The following B4GALNT3 variants were observed in gnomAD, a reference collection of about 807,000 sequenced individuals.
The protein encoded by B4GALNT3 is beta-1,4-N-acetyl-galactosaminyltransferase 3.
B4GALNT3 carries 86 observed loss-of-function variants against 120.2 expected under a neutral mutation model. The ratio of observed to expected loss-of-function variants is 0.72; its 90% confidence interval spans 0.60 to 0.86. The LOEUF (loss-of-function observed/expected upper bound fraction) is 0.86. B4GALNT3 is among the 40% of genes least tolerant of loss of function. B4GALNT3 has a pLI of 0.00. For missense variants in B4GALNT3, 1,167 were observed against 1,298.9 expected, an observed-to-expected ratio of 0.90 and a Z score of 1.56; for synonymous variants, 518 against 510.4, an observed-to-expected ratio of 1.01 and a Z score of -0.20.
intron 1 of B4GALNT3, among the ~76,000 whole-genome samples, chr12:483,048 C>T (rs1946256899): frequency 6.6e-6 from 1 of 152,090 alleles, no homozygotes; most frequent in Non-Finnish European, 1.5e-5. Context: ...GCTGGCACTA[C>T]AGGTGGATGT....
chr12:478,296 AAT>A (rs1437225569), intron 1 of B4GALNT3, among the ~76,000 whole-genome samples: 155 of 151,554 alleles, frequency 1.0e-3, no homozygotes, highest in African/African-American at 3.6e-3. Flanking sequence ...AAAAAAAAAA[AAT>A]ATTCAAGCCT....
At chr12:494,841 G>A (rs1187239379) in intron 1 of B4GALNT3, among the ~76,000 whole-genome samples, 1 of 152,104 alleles carries the variant, frequency 6.6e-6, no homozygotes, top group Non-Finnish European at 1.5e-5. Flanking sequence ...TTATTCTTAT[G>A]TATTCTTTGA....
intron 11 of B4GALNT3, among the ~76,000 whole-genome samples, chr12:551,475 G>A (rs947611063): frequency 1.7e-4 from 26 of 152,294 alleles, no homozygotes; most frequent in Admixed American, 3.3e-4. Flanking sequence ...GAACCCATGC[G>A]GAAGCCAGAC....
chr12:511,879 C>G (rs1946573652), intron 1 of B4GALNT3, among the ~76,000 whole-genome samples: 1 of 39,488 alleles, frequency 2.5e-5, no homozygotes, highest in Non-Finnish European at 4.5e-5. Flanking sequence ...TTCCACCTTC[C>G]ACCTTCTTCC....
Position 460,526 on chromosome 12 carries a change from C to A in B4GALNT3, c.150C>A (p.Gly50=). 1 of 1,535,416 alleles carries A rather than the reference C, an allele frequency of 6.5e-7. No homozygotes were observed. Among genetic ancestry groups the A allele is most frequent in the Non-Finnish European group, 8.8e-7 (1 of 1,137,396 alleles). The change falls in exon 1 of 20, where the codon GGC becomes GGA. Residue 50 remains glycine, a synonymous_variant. Coordinates refer to ENST00000266383, the MANE Select transcript of B4GALNT3 (RefSeq NM_173593.4). The surrounding 1 kb of genome is among the most constrained non-coding windows in gnomAD (Gnocchi z 8.0). ...YLELVASAQV[G]GNPLNRRYGS... ...AACTGGTGGCGTCGGCCCAGGTCGG[C>A]GGGAACCCCCTGAACCGGAGTAAGT...
At chr12:522,940 T>TAAA (rs1565601881) in intron 1 of B4GALNT3, among the ~76,000 whole-genome samples, 2 of 77,088 alleles carry the variant, frequency 2.6e-5, no homozygotes, top group Non-Finnish European at 5.6e-5. Flanking sequence ...GAGACTCTGT[T>TAAA]TAAAAAAAAA....
chr12:473,458 G>A (rs897820011), intron 1 of B4GALNT3, among the ~76,000 whole-genome samples: 45 of 152,176 alleles, frequency 3.0e-4, no homozygotes, highest in African/African-American at 1.1e-3. Context: ...AAGTGACAGA[G>A]TTTGGCAGTA....
At chr12:464,192 C>G (rs114516767) in intron 1 of B4GALNT3, among the ~76,000 whole-genome samples, 2,018 of 152,310 alleles carry the variant, frequency 0.013, 47 homozygotes, top group African/African-American at 0.046. Flanking sequence ...AGTGGTACGG[C>G]TATCCTGGTG....
intron 6 of B4GALNT3, 27 bp downstream of exon 6, chr12:545,496 C>T (rs1946982170): frequency 1.3e-6 from 2 of 1,561,988 alleles, no homozygotes; most frequent in African/African-American, 1.3e-5. Context: ...CCCGGTCCCT[C>T]CCATCTGCTC....
chr12:476,160 T>G (rs1324045985), intron 1 of B4GALNT3, among the ~76,000 whole-genome samples: 2 of 152,230 alleles, frequency 1.3e-5, no homozygotes, highest in African/African-American at 4.8e-5. Context: ...AGCCTCAATA[T>G]GTCCCAGTTT....
chr12:513,857 C>T (rs894575964), intron 1 of B4GALNT3, among the ~76,000 whole-genome samples: 4 of 152,184 alleles, frequency 2.6e-5, no homozygotes, highest in Admixed American at 6.5e-5. Flanking sequence ...CCAAAGCATG[C>T]GGATTACAGG....
intron 1 of B4GALNT3, among the ~76,000 whole-genome samples, chr12:521,180 A>G (rs77059818): frequency 0.03 from 4,635 of 152,212 alleles, 258 homozygotes; most frequent in African/African-American, 0.11. Context: ...CGTTAGAAGG[A>G]TGTGCGGTCC....
intron 1 of B4GALNT3, among the ~76,000 whole-genome samples, chr12:530,347 T>C (rs908137097): frequency 2.6e-5 from 4 of 152,260 alleles, no homozygotes; most frequent in African/African-American, 9.6e-5. Context: ...TTTTGTCTGC[T>C]AAGTTGAAAG....
intron 3 of B4GALNT3, among the ~76,000 whole-genome samples, chr12:536,747 G>A (rs1946864909): frequency 6.6e-6 from 1 of 152,178 alleles, no homozygotes; most frequent in Non-Finnish European, 1.5e-5. Context: ...CCTACTGTGT[G>A]GCAGGCTTTG....
chr12:548,114 G>A lies in B4GALNT3; in HGVS notation c.786+12G>A, dbSNP rs747740942. 4 of 1,611,624 alleles carry A rather than the reference G, an allele frequency of 2.5e-6. No individual in the cohort carries two copies. The highest frequency in any genetic ancestry group is 3.4e-6 in the Non-Finnish European group (4 of 1,178,798). ...ACGTGGAAGTTGCAGTGAGTTTCCTGCTGCTCCCGCCTCTCCCAGCTCAGT... is the reference window on the plus strand; with the variant it reads ...ACGTGGAAGTTGCAGTGAGTTTCCTACTGCTCCCGCCTCTCCCAGCTCAGT... On this transcript the variant is annotated intron_variant, in intron 8 of 19. Coordinates refer to ENST00000266383, the MANE Select transcript of B4GALNT3 (RefSeq NM_173593.4). This position sits in a 1 kb window ranked among gnomAD's most constrained non-coding sequence, Gnocchi z 4.9.
intron 1 of B4GALNT3, among the ~76,000 whole-genome samples, chr12:516,963 G>A (rs1946663427): frequency 6.6e-6 from 1 of 152,164 alleles, no homozygotes; most frequent in Admixed American, 6.5e-5. Context: ...TTGGATATGG[G>A]GAGAGGAATC....
intron 14 of B4GALNT3, among the ~76,000 whole-genome samples, chr12:554,324 A>C (rs1947119471): frequency 6.6e-6 from 1 of 152,246 alleles, no homozygotes; most frequent in Admixed American, 6.5e-5. Flanking sequence ...CAGAGGCTAG[A>C]AAAATACAAA....
intron 1 of B4GALNT3, among the ~76,000 whole-genome samples, chr12:525,498 CCA>C (rs1458262386): frequency 4.6e-5 from 7 of 152,232 alleles, no homozygotes; most frequent in African/African-American, 1.4e-4. Context: ...CTTTCCAAAG[CCA>C]CACTCCTGAC....
chr12:465,600 C>A (rs1038277623), intron 1 of B4GALNT3, among the ~76,000 whole-genome samples: 9 of 152,086 alleles, frequency 5.9e-5, no homozygotes, highest in Non-Finnish European at 1.3e-4. Flanking sequence ...GTGACCTTAC[C>A]CATATTTAGA....
Sources: gnomAD v4.1 joint callset for allele counts (sites outside exome capture counted in the v4.1 genomes callset) on GRCh38, gnomAD v4.1.1 for gene constraint, Gnocchi (gnomAD v3.1) non-coding constraint, MANE v1.5 for transcripts, NCBI Gene and HGNC (gene_info 2026-07-23, HGNC 2026-07-21) for gene names.